NBAS: variants seen among roughly 807,000 people sequenced by gnomAD.
NBAS encodes NAG/BC035112 fusion.
Under a neutral mutation model 302.5 loss-of-function variants are expected in NBAS, and 219 were observed. That is an observed-to-expected ratio of 0.72 (90% CI 0.65 to 0.81). The LOEUF is 0.81. NBAS is among the 30% of genes least tolerant of loss of function. The pLI is 0.00. For synonymous variants in NBAS, 1,118 were observed against 1,021.6 expected (o/e 1.09, Z -1.80); for missense variants, 2,932 against 2,841.6 (o/e 1.03, Z -0.72).
the NBAS span, among the ~76,000 whole-genome samples, chr2:15,016,774 A>C: frequency 1.3e-5 from 2 of 152,148 alleles, no homozygotes; most frequent in Non-Finnish European, 2.9e-5. Context: ...ATAAAAATCG[A>C]CTCATAGACC....
At chr2:15,287,959 C>T (rs995979206) in intron 41 of NBAS, among the ~76,000 whole-genome samples, 4 of 150,744 alleles carry the variant, frequency 2.7e-5, no homozygotes, top group Non-Finnish European at 4.4e-5. Flanking sequence ...GGAGGTAGCC[C>T]GAGCACCGTG....
At chr2:15,452,927 A>G (rs890092191) in intron 21 of NBAS, among the ~76,000 whole-genome samples, 31 of 152,332 alleles carry the variant, frequency 2.0e-4, no homozygotes, top group African/African-American at 7.5e-4. Flanking sequence ...CACTATATTC[A>G]CAGCACTTTA....
At chr2:14,832,136 C>A in the NBAS span, among the ~76,000 whole-genome samples, 1 of 152,148 alleles carries the variant, frequency 6.6e-6, no homozygotes, top group South Asian at 2.1e-4. Flanking sequence ...TTCCCCCACC[C>A]TCCACCCTTC....
chr2:15,276,094 T>A (rs1009842212), intron 43 of NBAS, among the ~76,000 whole-genome samples: 8 of 152,190 alleles, frequency 5.3e-5, no homozygotes, highest in African/African-American at 1.9e-4. Flanking sequence ...AATATCTCCA[T>A]GCCTTTCGAA....
intron 23 of NBAS, among the ~76,000 whole-genome samples, chr2:15,423,185 G>A (rs553502246): frequency 6.6e-6 from 1 of 152,134 alleles, no homozygotes; most frequent in African/African-American, 2.4e-5. Flanking sequence ...TATAAAATAC[G>A]GAATTAAAGT....
At chr2:14,955,153 A>G in the NBAS span, among the ~76,000 whole-genome samples, 1 of 152,250 alleles carries the variant, frequency 6.6e-6, no homozygotes, top group Non-Finnish European at 1.5e-5. Context: ...AAGGGGCCAC[A>G]TGCCCCATGG....
At chr2:14,914,140 T>C in the NBAS span, among the ~76,000 whole-genome samples, 1 of 152,156 alleles carries the variant, frequency 6.6e-6, no homozygotes, top group Admixed American at 6.5e-5. Context: ...ACGAGAACAG[T>C]ATGGAGGAAA....
the NBAS span, among the ~76,000 whole-genome samples, chr2:14,871,943 T>C: frequency 3.3e-5 from 5 of 152,128 alleles, no homozygotes; most frequent in African/African-American, 9.7e-5. Flanking sequence ...TAGACAGAGA[T>C]TGTCAAATTG....
the NBAS span, among the ~76,000 whole-genome samples, chr2:15,124,896 G>T: frequency 6.6e-6 from 1 of 152,172 alleles, no homozygotes; most frequent in Non-Finnish European, 1.5e-5. Context: ...TGCAGGGGTG[G>T]AGCCCCCACA....
At chr2:15,173,265 T>A (rs1206892223) in intron 51 of NBAS, among the ~76,000 whole-genome samples, 1 of 152,200 alleles carries the variant, frequency 6.6e-6, no homozygotes, top group Non-Finnish European at 1.5e-5. Flanking sequence ...TCTGCTTAAT[T>A]CCTCTTCCAA....
At position 15,415,702 on chromosome 2, in the gene NBAS, A is replaced by G. The variant is rs755613175; in HGVS notation, c.2781T>C (p.Tyr927=). ...LLMNSCSEDK[Y]VTSAYQWMVP... The stretch of plus-strand genomic sequence containing the variant: ...CCATCCACTGGTAGGCACTTGTCAC[A>G]TATTTATCCTCAGAACACTGAAAGT... The change falls in exon 25 of 52, where the codon TAT becomes TAC. Residue 927 remains tyrosine (Y), a synonymous_variant. Transcript: ENST00000281513. The G allele has an allele frequency of 9.4e-5, 151 of 1,614,080 alleles. No homozygotes were observed. Among genetic ancestry groups the G allele is most frequent in the Non-Finnish European group, 1.3e-4 (148 of 1,180,036 alleles).
Position 15,302,712 on chromosome 2 carries a change from T to C in NBAS, c.4797+5504A>G, listed in dbSNP as rs576989824. 8.5e-5 allele frequency among the ~76,000 whole-genome samples: 13 copies of C among 152,326 alleles called. No homozygotes were observed. The South Asian group carries it at 1.7e-3, about 19-fold the overall frequency. ...TTGGATTGAGGAATGCAAAGTATTG[T>C]TCCTGGGTGTGTCTGTGAGGGTGTT... On this transcript the variant is annotated intron_variant, in intron 40 of 51. Coordinates refer to ENST00000281513, the MANE Select transcript of NBAS (RefSeq NM_015909.4).
chr2:15,125,563 T>G, the NBAS span, among the ~76,000 whole-genome samples: 4 of 152,158 alleles, frequency 2.6e-5, no homozygotes, highest in Non-Finnish European at 2.9e-5. Context: ...TGGCCAGGGA[T>G]AGAGAACCAA....
the NBAS span, among the ~76,000 whole-genome samples, chr2:14,779,226 A>G: frequency 6.6e-6 from 1 of 152,186 alleles, no homozygotes; most frequent in African/African-American, 2.4e-5. Flanking sequence ...CACATGTCTC[A>G]TATTAGGAAT....
intron 48 of NBAS, among the ~76,000 whole-genome samples, chr2:15,213,139 T>G (rs1666494870): frequency 6.6e-6 from 1 of 152,186 alleles, no homozygotes; most frequent in Non-Finnish European, 1.5e-5. Flanking sequence ...TATGAGAGAT[T>G]TACTAACTTT....
chr2:15,143,498 A>T, the NBAS span, among the ~76,000 whole-genome samples: 3 of 152,198 alleles, frequency 2.0e-5, no homozygotes, highest in African/African-American at 7.2e-5. Flanking sequence ...AAACAAGGGC[A>T]TGTCTGTGAG....
the NBAS span, among the ~76,000 whole-genome samples, chr2:15,084,915 T>C: frequency 6.6e-6 from 1 of 152,244 alleles, no homozygotes; most frequent in Non-Finnish European, 1.5e-5. Context: ...TAATTTTACA[T>C]GTCAACTTGA....
intron 44 of NBAS, among the ~76,000 whole-genome samples, chr2:15,268,132 A>G (rs1669156569): frequency 6.6e-6 from 1 of 152,258 alleles, no homozygotes; most frequent in Non-Finnish European, 1.5e-5. Context: ...TCAAGTTCCT[A>G]CCTTGGCCCA....
chr2:15,228,745 C>T (rs10205504), intron 47 of NBAS, among the ~76,000 whole-genome samples: 43,910 of 151,972 alleles, frequency 0.29, 6,949 homozygotes, highest in African/African-American at 0.43. Context: ...AAATACCACA[C>T]GATCTCACTC....
Sources: allele counts gnomAD v4.1 joint callset (sites outside exome capture counted in the v4.1 genomes callset), GRCh38; gene constraint gnomAD v4.1.1; transcripts MANE v1.5; gene names NCBI Gene and HGNC (gene_info 2026-07-23, HGNC 2026-07-21).